Variants in CDH13 observed in about 807,000 individuals in gnomAD.
CDH13 encodes cadherin 13.
In CDH13, 24 loss-of-function variants were observed where a neutral mutation model predicts 63.8. That is an observed-to-expected ratio of 0.38 (90% CI 0.27 to 0.53). CDH13 has a LOEUF of 0.53. CDH13 is among the 20% of genes least tolerant of loss of function. The pLI, the probability that CDH13 is intolerant of heterozygous loss-of-function variation, is 0.85. For synonymous variants in CDH13, 503 were observed against 355.3 expected (o/e 1.42, Z -4.67); for missense variants, 1,049 against 903.1 (o/e 1.16, Z -2.07).
chr16:83,249,906 A>G (rs886652357), intron 5 of CDH13, among the ~76,000 whole-genome samples: 1 of 152,208 alleles, frequency 6.6e-6, no homozygotes, highest in African/African-American at 2.4e-5. Context: ...TCATGTGTTA[A>G]TTGAATAATA....
intron 1 of CDH13, among the ~76,000 whole-genome samples, chr16:82,631,233 C>T (rs898417824): frequency 3.3e-5 from 5 of 152,154 alleles, no homozygotes; most frequent in East Asian, 3.8e-4. Flanking sequence ...TGTTTGTAGA[C>T]GGTGCAATAC....
At chr16:83,296,156 C>G (rs2089591822) in intron 5 of CDH13, among the ~76,000 whole-genome samples, 1 of 152,066 alleles carries the variant, frequency 6.6e-6, no homozygotes, top group South Asian at 2.1e-4. Context: ...TGTGTATAGT[C>G]CTTGTATAGG....
intron 1 of CDH13, among the ~76,000 whole-genome samples, chr16:82,802,330 A>G (rs1381711153): frequency 2.0e-5 from 3 of 152,120 alleles, no homozygotes; most frequent in Admixed American, 1.3e-4. Flanking sequence ...ATTACAGATA[A>G]CCAGGAGTCG....
intron 7 of CDH13, among the ~76,000 whole-genome samples, chr16:83,494,737 C>G (rs946651904): frequency 3.9e-5 from 6 of 152,156 alleles, no homozygotes; most frequent in Non-Finnish European, 5.9e-5. Context: ...AATGATAGAC[C>G]ATTTCAAGAC....
At chr16:83,362,412 A>G (rs1206054576) in intron 6 of CDH13, among the ~76,000 whole-genome samples, 1 of 152,250 alleles carries the variant, frequency 6.6e-6, no homozygotes, top group African/African-American at 2.4e-5. Flanking sequence ...AAAGACATTT[A>G]GACACCTTTT....
chr16:83,108,390 A>C (rs1000716702), intron 3 of CDH13, among the ~76,000 whole-genome samples: 1 of 152,228 alleles, frequency 6.6e-6, no homozygotes, highest in African/African-American at 2.4e-5. Context: ...GCTCACAGCC[A>C]CATAAAAGGG....
At chr16:83,747,790 G>C (rs1013661043) in intron 10 of CDH13, among the ~76,000 whole-genome samples, 2 of 149,454 alleles carry the variant, frequency 1.3e-5, no homozygotes, top group African/African-American at 5.0e-5. Context: ...AAAGAAACAA[G>C]ACTGGACGTG....
At chr16:82,823,757 C>T (rs1169805183) in intron 1 of CDH13, 1 of 151,906 alleles carries the variant, frequency 6.6e-6, no homozygotes, top group Non-Finnish European at 1.5e-5. Context: ...ATTTGGAGAA[C>T]TAGAATATTG....
chr16:83,131,274 T>A (rs980741049), intron 4 of CDH13, among the ~76,000 whole-genome samples: 9 of 144,918 alleles, frequency 6.2e-5, no homozygotes, highest in African/African-American at 2.3e-4. Flanking sequence ...GCCTCCTAAT[T>A]TCTGGCTCTT....
chr16:83,239,675 C>T (rs1476519011), intron 5 of CDH13, among the ~76,000 whole-genome samples: 2 of 152,238 alleles, frequency 1.3e-5, no homozygotes, highest in Admixed American at 6.5e-5. Context: ...GTTCTACTCT[C>T]ATTCACTCAC....
At chr16:82,635,106 G>A (rs554471519) in intron 1 of CDH13, among the ~76,000 whole-genome samples, 1 of 152,322 alleles carries the variant, frequency 6.6e-6, no homozygotes, top group South Asian at 2.1e-4. Context: ...GGTGTTCTTT[G>A]TCTTTCTCCT....
chr16:83,052,089 A>G (rs2030404206), intron 3 of CDH13, among the ~76,000 whole-genome samples: 1 of 152,236 alleles, frequency 6.6e-6, no homozygotes, highest in Non-Finnish European at 1.5e-5. Flanking sequence ...AGCTAACTAT[A>G]TCATGCATTC....
intron 4 of CDH13, among the ~76,000 whole-genome samples, chr16:83,209,282 A>G (rs1170116330): frequency 1.3e-5 from 2 of 152,200 alleles, no homozygotes; most frequent in African/African-American, 2.4e-5. Context: ...TCTGCCGTCC[A>G]TGTTCCATGG....
chr16:83,136,502 A>AG (rs1491445605), intron 4 of CDH13, among the ~76,000 whole-genome samples: 5 of 151,568 alleles, frequency 3.3e-5, no homozygotes, highest in African/African-American at 1.2e-4. Flanking sequence ...AAAAAAAAAA[A>AG]AAAAAGAAAT....
At chr16:83,664,815 G>T (rs533297373) in intron 8 of CDH13, among the ~76,000 whole-genome samples, 1 of 152,266 alleles carries the variant, frequency 6.6e-6, no homozygotes, top group South Asian at 2.1e-4. Context: ...TTGGATGTAT[G>T]ACAGTGAAGG....
intron 5 of CDH13, among the ~76,000 whole-genome samples, chr16:83,265,930 C>A (rs1414208947): frequency 1.3e-5 from 2 of 151,560 alleles, no homozygotes; most frequent in Non-Finnish European, 2.9e-5. Context: ...TAGTTATTTT[C>A]GGTTTTTTGT....
intron 4 of CDH13, among the ~76,000 whole-genome samples, chr16:83,156,812 T>A (rs997319885): frequency 5.3e-5 from 8 of 152,190 alleles, no homozygotes; most frequent in Non-Finnish European, 1.5e-5. Context: ...ATGGCCATAA[T>A]ATATTTATAC....
chr16:83,079,219 C>A (rs887148505), intron 3 of CDH13, among the ~76,000 whole-genome samples: 1 of 152,176 alleles, frequency 6.6e-6, no homozygotes, highest in Non-Finnish European at 1.5e-5. Context: ...TCAGCTATAC[C>A]AGAAGTAGTG....
At chr16:82,936,399 G>A (rs1296292067) in intron 2 of CDH13, among the ~76,000 whole-genome samples, 1 of 152,132 alleles carries the variant, frequency 6.6e-6, no homozygotes, top group Non-Finnish European at 1.5e-5. Context: ...TAGATTGTGT[G>A]CTCCTTATGA....
Sources: gnomAD v4.1 joint callset for allele counts (sites outside exome capture counted in the v4.1 genomes callset) on GRCh38, gnomAD v4.1.1 for gene constraint, MANE v1.5 for transcripts, NCBI Gene and HGNC (gene_info 2026-07-23, HGNC 2026-07-21) for gene names.